SUPT3H: variants seen among roughly 807,000 people sequenced by gnomAD.
The protein encoded by SUPT3H is SPT3 homolog, SAGA and STAGA complex component, also known as transcription initiation protein SPT3 homolog.
SUPT3H carries 44 observed loss-of-function variants against 44.3 expected under a neutral mutation model. The ratio of observed to expected loss-of-function variants is 0.99; its 90% CI spans 0.78 to 1.28. SUPT3H has a LOEUF of 1.28. SUPT3H is among the 50% of genes most tolerant of loss of function. SUPT3H has a pLI of 0.00. For missense variants in SUPT3H, 380 were observed against 387.1 expected, an observed-to-expected ratio of 0.98 and a Z score of 0.15; for synonymous variants, 124 against 125.6, an observed-to-expected ratio of 0.99 and a Z score of 0.09.
chr6:44,888,384 G>A (rs866513178), intron 10 of SUPT3H, among the ~76,000 whole-genome samples: 173 of 152,082 alleles, frequency 1.1e-3, no homozygotes, highest in African/African-American at 3.4e-3. Flanking sequence ...CTGGCAAACC[G>A]AATCCAGCAG....
chr6:44,885,697 A>C (rs905836893), intron 10 of SUPT3H, among the ~76,000 whole-genome samples: 1 of 152,210 alleles, frequency 6.6e-6, no homozygotes, highest in Non-Finnish European at 1.5e-5. Flanking sequence ...GAAAGTCTAA[A>C]AAGCAGAGCA....
chr6:44,886,074 T>C (rs1024922576), intron 10 of SUPT3H, among the ~76,000 whole-genome samples: 2 of 151,996 alleles, frequency 1.3e-5, no homozygotes, highest in Admixed American at 6.5e-5. Flanking sequence ...GAAAAAAGAA[T>C]AAAAAGAAAC....
intron 6 of SUPT3H, among the ~76,000 whole-genome samples, chr6:44,965,271 G>A (rs765064957): frequency 2.9e-4 from 44 of 152,146 alleles, no homozygotes; most frequent in Non-Finnish European, 4.1e-4. Flanking sequence ...GATGCTGAAC[G>A]AAGCTGAGGC....
intron 2 of SUPT3H, among the ~76,000 whole-genome samples, chr6:45,341,936 C>G (rs990279593): frequency 3.3e-5 from 5 of 151,864 alleles, no homozygotes; most frequent in African/African-American, 9.7e-5. Context: ...CCAGAACAGT[C>G]AACCAAAACA....
chr6:45,201,730 C>T lies in SUPT3H; in HGVS notation c.102-95724G>A, dbSNP rs79861159. 2.6e-3 allele frequency among the ~76,000 whole-genome samples: 395 copies of T among 151,894 alleles called. 3 individuals are homozygous for T. The highest frequency in any genetic ancestry group is 8.6e-3 in the African/African-American group (358 of 41,500). On this transcript the variant is annotated intron_variant, in intron 2 of 10. Coordinates refer to ENST00000371459, the MANE Select transcript of SUPT3H (RefSeq NM_003599.4). ...TTCATTCTAATCCAACAGTCATGGA[C>T]GCCACTGTAATTGAAAGACATTTCC...
At chr6:44,846,176 A>G (rs549248493) in intron 10 of SUPT3H, among the ~76,000 whole-genome samples, 1 of 152,260 alleles carries the variant, frequency 6.6e-6, no homozygotes, top group Non-Finnish European at 1.5e-5. Context: ...AATTTTTCCC[A>G]TTTCAGTACC....
At chr6:45,067,638 A>C (rs1793601267) in intron 3 of SUPT3H, among the ~76,000 whole-genome samples, 1 of 151,756 alleles carries the variant, frequency 6.6e-6, no homozygotes, top group Admixed American at 6.6e-5. Context: ...CAACCCCATC[A>C]AAAAGTGGGC....
At chr6:45,093,252 A>T (rs575090825) in intron 3 of SUPT3H, among the ~76,000 whole-genome samples, 1 of 152,270 alleles carries the variant, frequency 6.6e-6, no homozygotes, top group African/African-American at 2.4e-5. Flanking sequence ...AATAGGATAA[A>T]TTCAAGCTAG....
At chr6:45,359,770 G>A (rs954626072) in intron 2 of SUPT3H, among the ~76,000 whole-genome samples, 9 of 152,300 alleles carry the variant, frequency 5.9e-5, no homozygotes, top group African/African-American at 9.6e-5. Flanking sequence ...CAGGCTGGGC[G>A]CAGAGGCTTA....
intron 4 of SUPT3H, among the ~76,000 whole-genome samples, chr6:45,018,278 CA>C (rs1370227359): frequency 6.6e-6 from 1 of 152,130 alleles, no homozygotes; most frequent in Non-Finnish European, 1.5e-5. Flanking sequence ...GATATATAAT[CA>C]TGTCGTCTGC....
intron 10 of SUPT3H, among the ~76,000 whole-genome samples, chr6:44,876,836 G>GAAAAAAAAA (rs200454659): frequency 3.3e-5 from 3 of 92,238 alleles, no homozygotes; most frequent in Non-Finnish European, 6.3e-5. Context: ...ATCTTCAATT[G>GAAAAAAAAA]AAAAAAAAAA....
intron 3 of SUPT3H, among the ~76,000 whole-genome samples, chr6:45,070,818 G>A (rs1794274704): frequency 6.6e-6 from 1 of 150,394 alleles, no homozygotes; most frequent in South Asian, 2.1e-4. Context: ...GTGACGACAA[G>A]GAAGAAGTGT....
chr6:45,222,179 GA>G (rs1012901249), intron 2 of SUPT3H, among the ~76,000 whole-genome samples: 1 of 151,692 alleles, frequency 6.6e-6, no homozygotes, highest in Non-Finnish European at 1.5e-5. Context: ...AAAAGTAGAA[GA>G]AAATCTTTAG....
chr6:44,900,408 C>T (rs1051222703), intron 10 of SUPT3H, among the ~76,000 whole-genome samples: 2 of 152,354 alleles, frequency 1.3e-5, no homozygotes, highest in East Asian at 1.9e-4. Context: ...CCTATGCCCA[C>T]GGAGCCTCGC....
chr6:45,167,246 C>G (rs868714706), intron 2 of SUPT3H, among the ~76,000 whole-genome samples: 1 of 152,076 alleles, frequency 6.6e-6, no homozygotes, highest in African/African-American at 2.4e-5. Flanking sequence ...TAATGCATGG[C>G]AAGAACAAAG....
In SUPT3H at chr6:44,826,771, A is replaced by G. The variant is rs138089480; in HGVS notation, c.*3045T>C. ...CACCAGTTATGTTTATTTGTCTTCT[A>G]CATGGTAAAAGCATCAGACATGGCT... On this transcript the variant is annotated 3_prime_UTR_variant, in exon 11 of 11. Transcript: ENST00000371459. Among the ~76,000 whole-genome samples the G allele has an allele frequency of 2.8e-4, 43 of 152,332 alleles. 2 individuals are homozygous for G. Among genetic ancestry groups the G allele is most frequent in the African/African-American group, 8.7e-4 (36 of 41,584 alleles).
rs1798728250 is a variant in SUPT3H, at chr6:45,102,581, C to T, written c.186+3341G>A. Reference sequence around the variant, plus strand: ...ACACCTAGTAAGTAAAAAGCAGAGTCAATATAAATGCCTTCCAATGTGGTA... The same window carrying T: ...ACACCTAGTAAGTAAAAAGCAGAGTTAATATAAATGCCTTCCAATGTGGTA... On this transcript the variant is annotated intron_variant, in intron 3 of 10. Coordinates refer to ENST00000371459, the MANE Select transcript of SUPT3H (RefSeq NM_003599.4). Among the ~76,000 whole-genome samples, 6 of 151,990 alleles carry T rather than the reference C, an allele frequency of 3.9e-5. No individual in the cohort carries two copies. In the South Asian group the frequency reaches 1.2e-3, roughly 32 times the overall value.
chr6:45,127,100 G>A (rs1802556112), intron 2 of SUPT3H, among the ~76,000 whole-genome samples: 1 of 152,138 alleles, frequency 6.6e-6, no homozygotes, highest in Admixed American at 6.6e-5. Context: ...CAGATCATGA[G>A]GTCAGGAGTT....
chr6:45,329,799 T>G (rs944340913), intron 2 of SUPT3H, among the ~76,000 whole-genome samples: 1 of 152,020 alleles, frequency 6.6e-6, no homozygotes, highest in African/African-American at 2.4e-5. Context: ...CATCAGCTGA[T>G]GTGTTATTAT....
Sources: gnomAD v4.1 joint callset for allele counts (sites outside exome capture counted in the v4.1 genomes callset) on GRCh38, gnomAD v4.1.1 for gene constraint, MANE v1.5 for transcripts, NCBI Gene and HGNC (gene_info 2026-07-23, HGNC 2026-07-21) for gene names.